Variants in TBX15 observed in about 807,000 individuals in gnomAD.
TBX15 encodes the protein T-box transcription factor 15.
A neutral mutation model predicts 53.9 loss-of-function variants in TBX15; 18 were observed. That is an observed-to-expected ratio of 0.33 (90% CI 0.23 to 0.49). The LOEUF (loss-of-function observed/expected upper bound fraction) is 0.49. Among genes scored for constraint, TBX15 ranks in the 20% least tolerant of loss-of-function variants. The pLI is 0.98. For synonymous variants in TBX15, 295 were observed against 278.0 expected, an observed-to-expected ratio of 1.06 and a Z score of -0.61; for missense variants, 692 against 749.5, an observed-to-expected ratio of 0.92 and a Z score of 0.90.
chr1:118,977,053 T>C (rs1657458018), intron 1 of TBX15, among the ~76,000 whole-genome samples: 1 of 152,222 alleles, frequency 6.6e-6, no homozygotes, highest in Non-Finnish European at 1.5e-5. Flanking sequence ...AACACATTTA[T>C]TATTCCAATT....
chr1:118,894,587 C>T (rs1654356295), intron 7 of TBX15, among the ~76,000 whole-genome samples: 1 of 152,010 alleles, frequency 6.6e-6, no homozygotes, highest in Admixed American at 6.6e-5. Context: ...TGAGAGGTGA[C>T]GTCAGTGCAG....
chr1:118,989,413 G>T (rs1017798259), upstream of TBX15: 2 of 152,208 alleles, frequency 1.3e-5, no homozygotes, highest in Non-Finnish European at 2.9e-5. Flanking sequence ...TGCAGAGAAA[G>T]CTCAAACCGG....
At chr1:118,935,327 T>C (rs1655934685) in intron 1 of TBX15, among the ~76,000 whole-genome samples, 1 of 152,182 alleles carries the variant, frequency 6.6e-6, no homozygotes, top group South Asian at 2.1e-4. Flanking sequence ...CATTTAGAAA[T>C]ATAATCAGTC....
At position 118,885,144 on chromosome 1, in the gene TBX15, C is replaced by T. The variant is rs756565472; in HGVS notation, c.1397G>A (p.Gly466Asp). 7 of 1,614,060 alleles carry T rather than the reference C, an allele frequency of 4.3e-6. No homozygotes were observed. The highest frequency in any genetic ancestry group is 3.3e-5 in the Admixed American group (2 of 60,006). ...AGTGGGAAAGGACCCCAGCTGGCCACCGTAGGCTTCCATCTTGCTGTTGCC... is the reference window on the plus strand; with the variant it reads ...AGTGGGAAAGGACCCCAGCTGGCCATCGTAGGCTTCCATCTTGCTGTTGCC... ...LPGNSKMEAYGGQLGSFPTSQ... is the reference protein window; with the variant it reads ...LPGNSKMEAYDGQLGSFPTSQ... The change falls in exon 8 of 8, where the codon GGT (glycine) becomes GAT (aspartate). Residue 466 changes from glycine to aspartate, a missense_variant. By Grantham distance (94) the Gly-to-Asp change is moderately conservative. This residue lies in a region of TBX15 where 375 missense variants were observed against 371.6 expected (regional missense o/e 1.01). Transcript: ENST00000369429.
chr1:118,980,174 A>C (rs182990476), intron 1 of TBX15, among the ~76,000 whole-genome samples: 1 of 152,118 alleles, frequency 6.6e-6, no homozygotes, highest in African/African-American at 2.4e-5. Flanking sequence ...GTGGAGGAAA[A>C]TTGGGGGAGG....
In TBX15 at chr1:118,884,864, C is replaced by T. The variant is rs150366466; in HGVS notation, c.1677G>A (p.Pro559=). 4.6e-5 allele frequency: 75 copies of T among 1,614,006 alleles called. No homozygotes were observed. The highest frequency in any genetic ancestry group is 3.3e-4 in the Middle Eastern group (2 of 6,084). ...NGAFGERQYL[P]SGMEHSMHMI... The stretch of plus-strand genomic sequence containing the variant: ...TGTGCATGCTGTGCTCCATCCCTGA[C>T]GGCAGGTACTGCCTCTCTCCAAAGG... The change falls in exon 8 of 8, where the codon CCG becomes CCA. Residue 559 remains proline (P), a synonymous_variant. Coordinates refer to ENST00000369429, the MANE Select transcript of TBX15 (RefSeq NM_001330677.2).
intron 1 of TBX15, among the ~76,000 whole-genome samples, chr1:118,947,613 G>A (rs896556531): frequency 6.6e-6 from 1 of 152,162 alleles, no homozygotes; most frequent in Non-Finnish European, 1.5e-5. Context: ...GCAGAGGAAA[G>A]CACTTTGTAA....
chr1:118,896,491 A>G (rs1654427357), intron 7 of TBX15, among the ~76,000 whole-genome samples: 1 of 152,212 alleles, frequency 6.6e-6, no homozygotes, highest in African/African-American at 2.4e-5. Flanking sequence ...CACCCTCACC[A>G]GTAGCAGCAC....
chr1:118,892,061 T>G (rs1214979033), intron 7 of TBX15, among the ~76,000 whole-genome samples: 1 of 152,158 alleles, frequency 6.6e-6, no homozygotes, highest in African/African-American at 2.4e-5. Flanking sequence ...CTTTGTCAAA[T>G]GGAAGCTATG....
At chr1:118,928,512 T>C (rs562045536) in intron 2 of TBX15, among the ~76,000 whole-genome samples, 1 of 152,334 alleles carries the variant, frequency 6.6e-6, no homozygotes, top group East Asian at 1.9e-4. Context: ...AAACTTGATC[T>C]ACACATTTAA....
At chr1:118,954,435 G>C (rs910970185) in intron 1 of TBX15, among the ~76,000 whole-genome samples, 1 of 152,190 alleles carries the variant, frequency 6.6e-6, no homozygotes, top group Non-Finnish European at 1.5e-5. Flanking sequence ...TTATCTTTAC[G>C]TGGAGGAATG....
At chr1:118,906,542 C>T (rs2101537489) in intron 6 of TBX15, among the ~76,000 whole-genome samples, 1 of 152,248 alleles carries the variant, frequency 6.6e-6, no homozygotes, top group Non-Finnish European at 1.5e-5. Flanking sequence ...TATTTGTGCC[C>T]AAGAGAGGTG....
At chr1:118,952,237 G>A (rs1331881303) in intron 1 of TBX15, among the ~76,000 whole-genome samples, 2 of 152,048 alleles carry the variant, frequency 1.3e-5, no homozygotes, top group Admixed American at 6.5e-5. Context: ...TATAATACAT[G>A]TACAAAATAT....
chr1:118,912,611 G>A (rs946767107), intron 6 of TBX15, among the ~76,000 whole-genome samples: 3 of 151,968 alleles, frequency 2.0e-5, no homozygotes, highest in Non-Finnish European at 1.5e-5. Flanking sequence ...TTAGCCCATA[G>A]TGCAGAACCT....
chr1:118,944,252 C>A (rs965387914), intron 1 of TBX15, among the ~76,000 whole-genome samples: 1 of 152,128 alleles, frequency 6.6e-6, no homozygotes, highest in Non-Finnish European at 1.5e-5. Flanking sequence ...GGATGCTAAC[C>A]CCAGGATGGA....
chr1:118,931,712 G>A lies in TBX15; in HGVS notation c.326C>T (p.Ser109Phe). The change falls in exon 2 of 8, where the codon TCC (serine) becomes TTC (phenylalanine). Residue 109 changes from serine (S) to phenylalanine (F), a missense_variant. Ser to Phe is a radical substitution (Grantham distance 155). Coordinates refer to ENST00000369429, the MANE Select transcript of TBX15 (RefSeq NM_001330677.2). ...CAGCTCCACCTGAATCTCCTCCATG[G>A]AAGACATGGCAGCAGGCACAGGGCC... is the stretch of plus-strand genomic sequence containing the variant. ...AAGPVPAAMS[S>F]MEEIQVELQC... 1 of 1,614,056 alleles carries A rather than the reference G, an allele frequency of 6.2e-7. No individual in the cohort carries two copies. Among genetic ancestry groups the A allele is most frequent in the Non-Finnish European group, 8.5e-7 (1 of 1,179,976 alleles).
chr1:118,932,709 G>T (rs1177231630), intron 1 of TBX15, among the ~76,000 whole-genome samples: 2 of 152,204 alleles, frequency 1.3e-5, no homozygotes, highest in Middle Eastern at 3.4e-3. Context: ...GGGCTGGGGG[G>T]CAGGGGAAGC....
chr1:118,918,942 T>C lies in TBX15; in HGVS notation c.861+4494A>G, dbSNP rs377109770. ...ACTATATTGCTTGAAAGGTTTTCCA[T>C]AGGGGGGAAAACAAAACAAAACAAA... is the stretch of plus-strand genomic sequence containing the variant. On this transcript the variant is annotated intron_variant, in intron 5 of 7. Transcript: ENST00000369429. Among the ~76,000 whole-genome samples, 8 of 152,172 alleles carry C rather than the reference T, an allele frequency of 5.3e-5. No homozygotes were observed. In the East Asian group the frequency reaches 7.7e-4, roughly 15 times the overall value.
intron 1 of TBX15, among the ~76,000 whole-genome samples, chr1:118,966,986 A>G (rs1348485672): frequency 6.6e-6 from 1 of 152,218 alleles, no homozygotes; most frequent in Non-Finnish European, 1.5e-5. Context: ...AGCCAAAACT[A>G]TGATTATTCA....
Sources: gnomAD v4.1 joint callset for allele counts (sites outside exome capture counted in the v4.1 genomes callset) on GRCh38, gnomAD v4.1.1 for gene constraint, gnomAD v4.1.1 regional missense constraint, MANE v1.5 for transcripts, NCBI Gene and HGNC (gene_info 2026-07-23, HGNC 2026-07-21) for gene names.